The following SVEP1 variants were observed in gnomAD, a reference collection of about 807,000 sequenced individuals.
The protein encoded by SVEP1 is sushi, von Willebrand factor type A, EGF and pentraxin domain containing 1.
In SVEP1, 164 loss-of-function variants were observed where a neutral mutation model predicts 367.3. The ratio of observed to expected loss-of-function variants is 0.45; its 90% CI spans 0.39 to 0.51. The LOEUF is 0.51. SVEP1 is among the 20% of genes least tolerant of loss of function. SVEP1 has a pLI of 0.00. For missense variants in SVEP1, 4,117 were observed against 4,425.3 expected (o/e 0.93, Z 1.98); for synonymous variants, 1,666 against 1,611.6 (o/e 1.03, Z -0.81).
In SVEP1 at chr9:110,411,547, T is replaced by C; in HGVS notation, c.6164A>G (p.Asp2055Gly). Residue 2055 changes from aspartate to glycine, a missense_variant, in exon 37 of 48, where the codon GAC (aspartate) becomes GGC (glycine). Around this residue, in one of 4 missense-constraint regions of SVEP1, gnomAD observed 2,174 missense variants for 2,494.3 expected, o/e 0.87. Transcript: ENST00000374469. ...YYCSDGYSLA[D>G]NSQLLCNAQG... The stretch of plus-strand genomic sequence containing the variant: ...GGCATTGCAGAGAAGCTGGGAATTG[T>C]CTGCTAGGCTGTAACCATCAGAGCA... 1 of 1,614,038 alleles carries C rather than the reference T, an allele frequency of 6.2e-7. No homozygotes were observed. Among genetic ancestry groups the C allele is most frequent in the Non-Finnish European group, 8.5e-7 (1 of 1,179,902 alleles).
chr9:110,457,879 T>C (rs757636941), intron 20 of SVEP1, among the ~76,000 whole-genome samples: 25 of 152,122 alleles, frequency 1.6e-4, no homozygotes, highest in Admixed American at 7.2e-4. Context: ...CCATTATCCA[T>C]GAAAATACTA....
intron 7 of SVEP1, 21 bp downstream of exon 7, chr9:110,499,020 C>T: frequency 6.3e-7 from 1 of 1,596,824 alleles, no homozygotes; most frequent in African/African-American, 1.3e-5. Context: ...GATTTTTAGC[C>T]TGACTAGTGT....
At chr9:110,537,335 CAATGCATCTTATT>C (rs1175129085) in intron 3 of SVEP1, among the ~76,000 whole-genome samples, 3 of 151,948 alleles carry the variant, frequency 2.0e-5, no homozygotes, top group Non-Finnish European at 2.9e-5. Context: ...AACTAATTAA[CAATGCATCTTATT>C]AAGAAGTGAA....
At chr9:110,523,485 A>G (rs2118796274) in intron 3 of SVEP1, among the ~76,000 whole-genome samples, 1 of 152,304 alleles carries the variant, frequency 6.6e-6, no homozygotes, top group African/African-American at 2.4e-5. Context: ...CAAAAAATTA[A>G]CTGGCAGACT....
intron 18 of SVEP1, among the ~76,000 whole-genome samples, chr9:110,460,110 G>A (rs1026175079): frequency 6.6e-6 from 1 of 151,902 alleles, no homozygotes; most frequent in Non-Finnish European, 1.5e-5. Flanking sequence ...TAGTTTTATC[G>A]TTAGTATTTT....
chr9:110,556,972 T>C (rs986267933), intron 1 of SVEP1, among the ~76,000 whole-genome samples: 1 of 152,234 alleles, frequency 6.6e-6, no homozygotes, highest in Non-Finnish European at 1.5e-5. Context: ...TGTTTCTGTG[T>C]TAAGAAACAT....
chr9:110,550,026 G>T lies in SVEP1; in HGVS notation c.610C>A (p.Pro204Thr), dbSNP rs536626519. 6.2e-7 allele frequency: 1 copy of T among 1,613,944 alleles called. No individual in the cohort carries two copies. Among genetic ancestry groups the T allele is most frequent in the Admixed American group, 1.7e-5 (1 of 60,020 alleles). ...ITDGYSNGGDPRPIAASLRDS... is the reference protein window; with the variant it reads ...ITDGYSNGGDTRPIAASLRDS... ...CGCAGTGACGCTGCAATTGGTCTAG[G>T]GTCTCCCCCATTGGAATATCCATCA... is the stretch of plus-strand genomic sequence containing the variant. Residue 204 changes from proline to threonine, a missense_variant, in exon 2 of 48, where the codon CCT (proline) becomes ACT (threonine). Physicochemically the swap from Pro to Thr is conservative, Grantham distance 38 (BLOSUM62 -1). Around this residue, in one of 4 missense-constraint regions of SVEP1, gnomAD observed 2,174 missense variants for 2,494.3 expected, o/e 0.87. Coordinates refer to ENST00000374469, the MANE Select transcript of SVEP1 (RefSeq NM_153366.4).
In SVEP1 at chr9:110,451,349, T is replaced by C. The variant is rs760983333; in HGVS notation, c.3841A>G (p.Lys1281Glu). ...NECSSSPCLN[K>E]GICVDGVAGY... is the part of the protein sequence containing the mutation. ...GCCACACCATCAACACAGATTCCTT[T>C]ATTTAAACAAGGACTGGAGCTACAC... is the stretch of plus-strand genomic sequence containing the variant. The change falls in exon 23 of 48, where the codon AAA becomes GAA. Residue 1281 changes from lysine to glutamate, a missense_variant. Lys to Glu is a moderately conservative substitution (Grantham distance 56, BLOSUM62 1). Coordinates refer to ENST00000374469, the MANE Select transcript of SVEP1 (RefSeq NM_153366.4). 1.9e-6 allele frequency: 3 copies of C among 1,613,700 alleles called. No individual in the cohort carries two copies. The highest frequency in any genetic ancestry group is 1.6e-4 in the Middle Eastern group (1 of 6,082).
intron 40 of SVEP1, among the ~76,000 whole-genome samples, chr9:110,393,667 T>C (rs1011392648): frequency 4.0e-5 from 6 of 150,914 alleles, no homozygotes; most frequent in African/African-American, 1.2e-4. Flanking sequence ...TCTAATACTG[T>C]GTTTTTCCAA....
At position 110,406,215 on chromosome 9, in the gene SVEP1, C is replaced by T. The variant is rs774037880; in HGVS notation, c.9385G>A (p.Ala3129Thr). ...GCCTCTCCAGTTGCCACTGCATTGG[C>T]GACAGACGGTGGGGACCCACAGGAC... is the stretch of plus-strand genomic sequence containing the variant. ...PLSCGSPPSV[A>T]NAVATGEAHT... Residue 3129 changes from alanine (A) to threonine (T), a missense_variant, in exon 38 of 48, where the codon GCC becomes ACC. Physicochemically the swap from Ala to Thr is moderately conservative, Grantham distance 58. Around this residue, in one of 4 missense-constraint regions of SVEP1, gnomAD observed 1,765 missense variants for 1,781.1 expected, o/e 0.99. Transcript: ENST00000374469. 1.4e-5 allele frequency: 23 copies of T among 1,608,810 alleles called. No individual in the cohort carries two copies. Among genetic ancestry groups the T allele is most frequent in the African/African-American group, 4.0e-5 (3 of 74,814 alleles).
In SVEP1 at chr9:110,479,700, G is replaced by A. The variant is rs747253701; in HGVS notation, c.2422C>T (p.Arg808Cys). 3 of 1,610,678 alleles carry A rather than the reference G, an allele frequency of 1.9e-6. No individual in the cohort carries two copies. The highest frequency in any genetic ancestry group is 2.2e-5 in the East Asian group (1 of 44,738). The change falls in exon 13 of 48, where the codon CGT becomes TGT. Residue 808 changes from arginine to cysteine, a missense_variant. Arg to Cys is a radical substitution (Grantham distance 180). Transcript: ENST00000374469. ...TTCATCAGATCTGTGTCATCACAACGAGCTGCTTTGTAGAACATCTCAAAG... is the reference window on the plus strand; with the variant it reads ...TTCATCAGATCTGTGTCATCACAACAAGCTGCTTTGTAGAACATCTCAAAG... ...KSFEMFYKAA[R>C]CDDTDLMKKF...
chr9:110,491,905 G>A (rs1253409941), intron 8 of SVEP1, among the ~76,000 whole-genome samples: 1 of 151,956 alleles, frequency 6.6e-6, no homozygotes. Context: ...GACTCTTGAT[G>A]TACCAAAGTT....
In SVEP1 at chr9:110,408,199, C is replaced by G; in HGVS notation, c.7401G>C (p.Lys2467Asn). Residue 2467 changes from lysine to asparagine, a missense_variant, in exon 38 of 48, where the codon AAG becomes AAC. Around this residue, in one of 4 missense-constraint regions of SVEP1, gnomAD observed 1,765 missense variants for 1,781.1 expected, o/e 0.99. Coordinates refer to ENST00000374469, the MANE Select transcript of SVEP1 (RefSeq NM_153366.4). ...AYLSTALYTC[K>N]PGFELVGNTT... is the part of the protein sequence containing the mutation. ...TATTTCCCACCAATTCAAAGCCTGGCTTGCAGGTATAGAGAGCTGTGCTGA... is the reference window on the plus strand; with the variant it reads ...TATTTCCCACCAATTCAAAGCCTGGGTTGCAGGTATAGAGAGCTGTGCTGA... 5.0e-6 allele frequency: 8 copies of G among 1,613,982 alleles called. No individual in the cohort carries two copies. The highest frequency in any genetic ancestry group is 5.9e-6 in the Non-Finnish European group (7 of 1,179,876).
intron 43 of SVEP1, among the ~76,000 whole-genome samples, chr9:110,384,641 G>T (rs1033670513): frequency 6.6e-6 from 1 of 151,204 alleles, no homozygotes; most frequent in African/African-American, 2.4e-5. Flanking sequence ...CTACAAGAAA[G>T]ATATAATTGA....
intron 21 of SVEP1, 59 bp downstream of exon 21, chr9:110,457,197 C>A: frequency 1.5e-6 from 2 of 1,370,252 alleles, no homozygotes; most frequent in Non-Finnish European, 2.0e-6. Context: ...TTTGATACTG[C>A]AAGTCATAAT....
At chr9:110,369,886 C>CA in intron 47 of SVEP1, 37 bp downstream of exon 47, 2 of 1,563,372 alleles carry the variant, frequency 1.3e-6, no homozygotes, top group Non-Finnish European at 1.8e-6. Context: ...TTAGAGTCTT[C>CA]ATGTTATAGG....
Position 110,579,271 on chromosome 9 carries a change from C to G in SVEP1, c.273G>C (p.Ser91=). 1 of 1,572,992 alleles carries G rather than the reference C, an allele frequency of 6.4e-7. No individual in the cohort carries two copies. Among genetic ancestry groups the G allele is most frequent in the Non-Finnish European group, 8.6e-7 (1 of 1,160,530 alleles). The part of the protein sequence containing the change: ...RLELVFLVDD[S]SSVGEVNFRS... ...GGAAGTTGACTTCGCCCACGCTGGACGAATCATCCACCAGGAAGACAAGCT... is the reference window on the plus strand; with the variant it reads ...GGAAGTTGACTTCGCCCACGCTGGAGGAATCATCCACCAGGAAGACAAGCT... The change falls in exon 1 of 48, where the codon TCG becomes TCC. Residue 91 remains serine (S), a synonymous_variant. Coordinates refer to ENST00000374469, the MANE Select transcript of SVEP1 (RefSeq NM_153366.4). The surrounding 1 kb of genome is among the most constrained non-coding windows in gnomAD (Gnocchi z 5.3).
chr9:110,458,020 AT>A (rs1828803485), intron 20 of SVEP1: 3 of 415,328 alleles, frequency 7.2e-6, no homozygotes, highest in Non-Finnish European at 1.4e-5. Context: ...TTCTTAATTT[AT>A]GTTTCTTAAT....
At chr9:110,559,419 A>G (rs1237527778) in intron 1 of SVEP1, among the ~76,000 whole-genome samples, 1 of 152,108 alleles carries the variant, frequency 6.6e-6, no homozygotes, top group Non-Finnish European at 1.5e-5. Context: ...TTTTGACCAA[A>G]CAAAACAAAG....
Sources: allele counts gnomAD v4.1 joint callset (sites outside exome capture counted in the v4.1 genomes callset), GRCh38; gene constraint gnomAD v4.1.1; regional missense constraint gnomAD v4.1.1; non-coding constraint Gnocchi (gnomAD v3.1); transcripts MANE v1.5; gene names NCBI Gene and HGNC (gene_info 2026-07-23, HGNC 2026-07-21).